Variants in SLC1A1 observed in about 807,000 individuals in gnomAD.
SLC1A1 encodes the protein solute carrier family 1 member 1, also known as excitatory amino acid transporter 3.
A neutral mutation model predicts 53.3 loss-of-function variants in SLC1A1; 43 were observed. That is an observed-to-expected ratio of 0.81 (90% CI 0.63 to 1.04). The LOEUF (loss-of-function observed/expected upper bound fraction) is 1.04. Among genes scored for constraint, SLC1A1 ranks in the 50% least tolerant of loss-of-function variants. SLC1A1 has a pLI of 0.00. For missense variants in SLC1A1, 748 were observed against 664.9 expected (o/e 1.12, Z -1.37); for synonymous variants, 307 against 243.2 (o/e 1.26, Z -2.44).
At chr9:4,508,557 C>T (rs534322190) in intron 1 of SLC1A1, among the ~76,000 whole-genome samples, 3 of 152,196 alleles carry the variant, frequency 2.0e-5, no homozygotes, top group African/African-American at 4.8e-5. Context: ...GTCATGTGTA[C>T]AGCACCATAG....
chr9:4,510,116 G>A (rs962950170), intron 1 of SLC1A1, among the ~76,000 whole-genome samples: 2 of 152,214 alleles, frequency 1.3e-5, no homozygotes, highest in South Asian at 2.1e-4. Flanking sequence ...TTACAGGCAT[G>A]AGCCACTACG....
At chr9:4,500,872 C>G (rs1246258547) in intron 1 of SLC1A1, among the ~76,000 whole-genome samples, 1 of 152,174 alleles carries the variant, frequency 6.6e-6, no homozygotes, top group African/African-American at 2.4e-5. Context: ...ATGGACAGAT[C>G]TCATCCCAGC....
chr9:4,571,105 A>G (rs1819993248), intron 6 of SLC1A1, among the ~76,000 whole-genome samples: 1 of 152,146 alleles, frequency 6.6e-6, no homozygotes, highest in Non-Finnish European at 1.5e-5. Context: ...GCTAGAGGCC[A>G]TTATCCTTAG....
At position 4,533,404 on chromosome 9, in the gene SLC1A1, G is replaced by T. The variant is rs545145269; in HGVS notation, c.92-11163G>T. ...CAAATGGAAAACAAAAAAAGGCAGG[G>T]GTTGCAATCCTAGTCTCGGATAAAA... On this transcript the variant is annotated intron_variant, in intron 1 of 11. Transcript: ENST00000262352. Among the ~76,000 whole-genome samples the T allele has an allele frequency of 2.6e-5, 4 of 152,018 alleles. No homozygotes were observed. The South Asian group carries it at 8.3e-4, about 32-fold the overall frequency.
intron 2 of SLC1A1, 105 bp from the exon 3 acceptor site, chr9:4,561,344 G>A (rs1379281050): frequency 2.6e-6 from 2 of 782,996 alleles, no homozygotes; most frequent in Non-Finnish European, 2.3e-6. Context: ...GTCTGTAGAT[G>A]AGAACGCCTC....
In SLC1A1 at chr9:4,572,348, T is replaced by C. The variant is rs1820131771; in HGVS notation, c.727T>C (p.Leu243=). ...GQILVDFFNA[L]SDATMKIVQI... is the part of the protein sequence containing the mutation. Reference sequence around the variant, plus strand: ...AATTCTGGTGGATTTCTTCAATGCTTTGAGTGATGCAACCATGAAAATCGT... The same window carrying C: ...AATTCTGGTGGATTTCTTCAATGCTCTGAGTGATGCAACCATGAAAATCGT... The change falls in exon 7 of 12, where the codon TTG becomes CTG. Residue 243 remains leucine (L), a synonymous_variant. Coordinates refer to ENST00000262352, the MANE Select transcript of SLC1A1 (RefSeq NM_004170.6). 1.9e-6 allele frequency: 3 copies of C among 1,614,032 alleles called. No homozygotes were observed. Among genetic ancestry groups the C allele is most frequent in the African/African-American group, 1.3e-5 (1 of 74,918 alleles).
At chr9:4,544,939 G>A (rs566046194) in intron 2 of SLC1A1, among the ~76,000 whole-genome samples, 89 of 152,250 alleles carry the variant, frequency 5.8e-4, no homozygotes, top group African/African-American at 1.1e-3. Flanking sequence ...GGAAGAGCCC[G>A]TTATAAAACC....
intron 1 of SLC1A1, among the ~76,000 whole-genome samples, chr9:4,541,420 A>G (rs1816996960): frequency 6.6e-6 from 1 of 152,212 alleles, no homozygotes; most frequent in Non-Finnish European, 1.5e-5. Context: ...TTTCTTTTCC[A>G]TACAGCTTGT....
At chr9:4,502,469 C>T (rs1305600469) in intron 1 of SLC1A1, among the ~76,000 whole-genome samples, 2 of 148,112 alleles carry the variant, frequency 1.4e-5, no homozygotes, top group Admixed American at 1.3e-4. Flanking sequence ...ATATTTTCTC[C>T]CTTGAAAAGT....
intron 4 of SLC1A1, among the ~76,000 whole-genome samples, chr9:4,565,076 T>C (rs1379518568): frequency 6.6e-6 from 1 of 152,230 alleles, no homozygotes; most frequent in African/African-American, 2.4e-5. Context: ...CCAAAACTTT[T>C]AGACATTGCA....
At chr9:4,572,683 G>A (rs1820171680) in intron 7 of SLC1A1, among the ~76,000 whole-genome samples, 1 of 152,164 alleles carries the variant, frequency 6.6e-6, no homozygotes, top group African/African-American at 2.4e-5. Flanking sequence ...GAGTAGCTGG[G>A]ACTATAGGCA....
chr9:4,573,584 T>C (rs1050308387), intron 7 of SLC1A1, among the ~76,000 whole-genome samples: 3 of 152,170 alleles, frequency 2.0e-5, no homozygotes, highest in Admixed American at 6.5e-5. Flanking sequence ...GATCTGCAGA[T>C]AGGACAATCA....
At chr9:4,552,504 G>A (rs777688604) in intron 2 of SLC1A1, among the ~76,000 whole-genome samples, 2 of 152,136 alleles carry the variant, frequency 1.3e-5, no homozygotes, top group Non-Finnish European at 2.9e-5. Context: ...GGATGGAAAG[G>A]GGGAGCACAA....
At chr9:4,538,551 A>C (rs10974608) in intron 1 of SLC1A1, among the ~76,000 whole-genome samples, 7,050 of 152,330 alleles carry the variant, frequency 0.046, 210 homozygotes, top group Non-Finnish European at 0.069. Context: ...GAAAAATAGA[A>C]ACAATACAAC....
chr9:4,572,554 T>C (rs932142893), intron 7 of SLC1A1, among the ~76,000 whole-genome samples, 166 bp downstream of exon 7: 4 of 152,166 alleles, frequency 2.6e-5, no homozygotes, highest in African/African-American at 9.7e-5. Flanking sequence ...CTGTTCTTTG[T>C]TTTTGTTTTA....
At chr9:4,555,257 C>T (rs953904628) in intron 2 of SLC1A1, among the ~76,000 whole-genome samples, 2 of 152,174 alleles carry the variant, frequency 1.3e-5, no homozygotes, top group African/African-American at 4.8e-5. Context: ...GTGGTGTCCA[C>T]TTATAATGGC....
At chr9:4,492,997 T>C (rs1219360429) in intron 1 of SLC1A1, among the ~76,000 whole-genome samples, 2 of 152,306 alleles carry the variant, frequency 1.3e-5, no homozygotes, top group South Asian at 2.1e-4. Flanking sequence ...AATTGTTCCC[T>C]GGCCTTTGGA....
chr9:4,552,184 G>A (rs748768954), intron 2 of SLC1A1, among the ~76,000 whole-genome samples: 16 of 152,134 alleles, frequency 1.1e-4, no homozygotes, highest in African/African-American at 2.2e-4. Context: ...AAGACCATTC[G>A]TTCATTTATT....
chr9:4,575,048 G>A (rs894404328), intron 8 of SLC1A1, among the ~76,000 whole-genome samples: 1 of 152,198 alleles, frequency 6.6e-6, no homozygotes, highest in Non-Finnish European at 1.5e-5. Context: ...TGGCTGGGGT[G>A]TATGAGCTGA....
Sources: allele counts gnomAD v4.1 joint callset (sites outside exome capture counted in the v4.1 genomes callset), GRCh38; gene constraint gnomAD v4.1.1; transcripts MANE v1.5; gene names NCBI Gene and HGNC (gene_info 2026-07-23, HGNC 2026-07-21).